Variants in EIF4A3 observed in about 807,000 individuals in gnomAD.
EIF4A3 encodes the protein eukaryotic initiation factor 4A-III.
In EIF4A3, 1 loss-of-function variant was observed where a neutral mutation model predicts 55.6. The observed-to-expected ratio is 0.02, with a 90% CI of 0.01 to 0.09. EIF4A3 has a LOEUF of 0.09. EIF4A3 is among the 10% of genes least tolerant of loss of function. The pLI, the probability that EIF4A3 is intolerant of heterozygous loss-of-function variation, is 1.00. For missense variants in EIF4A3, 221 were observed against 540.7 expected, an observed-to-expected ratio of 0.41 and a Z score of 5.86; for synonymous variants, 194 against 196.3, an observed-to-expected ratio of 0.99 and a Z score of 0.10.
chr17:80,143,624 C>T (rs72850898), intron 2 of EIF4A3, among the ~76,000 whole-genome samples: 2,082 of 152,136 alleles, frequency 0.014, 31 homozygotes, highest in Non-Finnish European at 0.019. Flanking sequence ...TCTGTTTTTC[C>T]GAAATTGTGT....
intron 7 of EIF4A3, 161 bp from the exon 8 acceptor site, chr17:80,138,441 T>G (rs1018649052): frequency 1.4e-6 from 1 of 704,842 alleles, no homozygotes; most frequent in African/African-American, 1.8e-5. Flanking sequence ...TATCACCACT[T>G]CCGTCACACA....
At chr17:80,145,824 TCTC>T (rs139002856) in intron 1 of EIF4A3, among the ~76,000 whole-genome samples, 4,506 of 152,042 alleles carry the variant, frequency 0.03, 99 homozygotes, top group East Asian at 0.13. Context: ...ACACTCCAAC[TCTC>T]CTCCTTCTGT....
chr17:80,141,562 ATCC>A, intron 3 of EIF4A3, 181 bp from the exon 4 acceptor site: 1 of 762,510 alleles, frequency 1.3e-6, no homozygotes, highest in Non-Finnish European at 2.1e-6. Context: ...ATGTGTCAGC[ATCC>A]TCGTCTGCAG....
At position 80,139,181 on chromosome 17, in the gene EIF4A3, C is replaced by T. The variant is rs2039597869; in HGVS notation, c.587-19G>A. 1 of 1,613,486 alleles carries T rather than the reference C, an allele frequency of 6.2e-7. No individual in the cohort carries two copies. The highest frequency in any genetic ancestry group is 1.3e-5 in the African/African-American group (1 of 74,868). ...TTGAAACCTGGGACAGGGAGCAAGA[C>T]AGGTGAGGGATGTTTAGGGCGGCAC... On this transcript the variant is annotated intron_variant, in intron 6 of 11. Coordinates refer to ENST00000649764, the MANE Select transcript of EIF4A3 (RefSeq NM_014740.4).
At chr17:80,146,448 C>G (rs758202786) in intron 1 of EIF4A3, among the ~76,000 whole-genome samples, 12 of 152,214 alleles carry the variant, frequency 7.9e-5, no homozygotes, top group Non-Finnish European at 1.5e-4. Context: ...AGGCGCAAAC[C>G]CTTCCGGTTT....
chr17:80,135,961 G>C (rs762147262), intron 11 of EIF4A3, 43 bp downstream of exon 11: 3 of 1,596,250 alleles, frequency 1.9e-6, no homozygotes, highest in South Asian at 2.3e-5. Context: ...TAAGAATAGG[G>C]AAGTTCCCTC....
At chr17:80,137,581 T>C in intron 8 of EIF4A3, 80 bp from the exon 9 acceptor site, 1 of 1,058,530 alleles carries the variant, frequency 9.4e-7, no homozygotes, top group Non-Finnish European at 1.4e-6. Flanking sequence ...ACCGCATCAT[T>C]TGCAGAACCA....
chr17:80,136,953 AAAAC>A (rs765410274), intron 9 of EIF4A3: 56 of 157,630 alleles, frequency 3.6e-4, no homozygotes, highest in South Asian at 8.0e-4. Context: ...GACTGTCTCA[AAAAC>A]AAACAAACAA....
Position 80,135,149 on chromosome 17 carries a change from CAA to C in EIF4A3, c.*339_*340del, listed in dbSNP as rs1311618112. ...CCTGGGCAACAGAGGGAGACTGTCT[CAA>C]AAAAAAAAAAGAAAAAGAAAAGAAA... On this transcript the variant is annotated 3_prime_UTR_variant, in exon 12 of 12. Transcript: ENST00000649764. 7.2e-4 allele frequency: 96 copies of C among 133,462 alleles called. No homozygotes were observed. The highest frequency in any genetic ancestry group is 1.4e-3 in the South Asian group (6 of 4,398). 8.3% of individuals were successfully genotyped at this position (133,462 alleles called of 1,614,324 possible). A position where few individuals can be genotyped will look rare whatever the true frequency, so the allele number is the denominator to read the frequency against.
At position 80,144,177 on chromosome 17, in the gene EIF4A3, G is replaced by A. The variant is rs747892909; in HGVS notation, c.237C>T (p.Ile79=). The A allele has an allele frequency of 3.7e-5, 60 of 1,613,930 alleles. No individual in the cohort carries two copies. The highest frequency in any genetic ancestry group is 4.6e-5 in the Non-Finnish European group (54 of 1,179,994). ...IKQIIKGRDV[I]AQSQSGTGKT... ...CGCACCCCAGGACAACTTACTGTGC[G>A]ATGACATCTCTCCCTTTGATGATCT... The change falls in exon 2 of 12, where the codon ATC becomes ATT. Residue 79 remains isoleucine (I), a synonymous_variant. Transcript: ENST00000649764.
At chr17:80,137,233 TG>T in intron 9 of EIF4A3, 152 bp downstream of exon 9, 1 of 597,580 alleles carries the variant, frequency 1.7e-6, no homozygotes. Flanking sequence ...CCTCCTTAAC[TG>T]GAAGGTTTTC....
rs2039602572 is a variant in EIF4A3, at chr17:80,139,766, T to C, written c.506-16A>G. 2.5e-6 allele frequency: 4 copies of C among 1,609,544 alleles called. No individual in the cohort carries two copies. The highest frequency in any genetic ancestry group is 1.3e-5 in the African/African-American group (1 of 74,818). ...CGAATCATATCTATAACATGAGATTTTGAAATACTTACGACAAATCACATC... is the reference window on the plus strand; with the variant it reads ...CGAATCATATCTATAACATGAGATTCTGAAATACTTACGACAAATCACATC... On this transcript the variant is annotated splice_polypyrimidine_tract_variant and intron_variant, in intron 5 of 11. Coordinates refer to ENST00000649764, the MANE Select transcript of EIF4A3 (RefSeq NM_014740.4).
intron 8 of EIF4A3, 110 bp from the exon 9 acceptor site, chr17:80,137,611 A>G: frequency 2.5e-6 from 2 of 811,338 alleles, no homozygotes; most frequent in Non-Finnish European, 3.9e-6. Flanking sequence ...TTCGTAAGGT[A>G]ACTGCTCTTA....
rs1387511484 is a variant in EIF4A3 at position 80,147,121 on chromosome 17, C to CTCGCTGTGCCGCTGCCGACT, written c.-161_-160insAGTCGGCAGCGGCACAGCGA. The CTCGCTGTGCCGCTGCCGACT allele has an allele frequency of 9.4e-7, 1 of 1,065,028 alleles. No homozygotes were observed. The highest frequency in any genetic ancestry group is 1.2e-6 in the Non-Finnish European group (1 of 804,418). The allele number at this position is 1,065,028 out of a possible 1,614,324, so 66.0% of individuals were successfully genotyped here. A position where few individuals can be genotyped will look rare whatever the true frequency, so the allele number is the denominator to read the frequency against. ...CCGACCTCGCTGTGCCGCTGCCGAC[C>CTCGCTGTGCCGCTGCCGACT]TCGCTGTGCCGCTGCCGAGAACAGA... On this transcript the variant is annotated 5_prime_UTR_variant, in exon 1 of 12. Transcript: ENST00000649764.
intron 9 of EIF4A3, 169 bp downstream of exon 9, chr17:80,137,217 C>A (rs1029850707): frequency 1.8e-6 from 1 of 549,972 alleles, no homozygotes; most frequent in African/African-American, 1.9e-5. Context: ...AGGAGCACAG[C>A]GGACCCCTCC....
In EIF4A3 at chr17:80,141,830, T is replaced by C. The variant is rs1395191864; in HGVS notation, c.261A>G (p.Gly87=). ...DVIAQSQSGT[G]KTATFSISVL... ...CTGAGATACTGAAGGTGGCTGTTTT[T>C]CCTGTGCCGGACTGAGACCTATTCA... The change falls in exon 3 of 12, where the codon GGA becomes GGG. Residue 87 remains glycine, a synonymous_variant. Transcript: ENST00000649764. 1 of 1,614,110 alleles carries C rather than the reference T, an allele frequency of 6.2e-7. No homozygotes were observed. The highest frequency in any genetic ancestry group is 1.1e-5 in the South Asian group (1 of 91,072).
intron 8 of EIF4A3, 37 bp from the exon 9 acceptor site, chr17:80,137,538 T>C (rs1267244581): frequency 9.0e-6 from 14 of 1,557,084 alleles, no homozygotes; most frequent in Non-Finnish European, 1.2e-5. Flanking sequence ...TGCAAGCTAG[T>C]ATACCAAAGC....
intron 10 of EIF4A3, 29 bp from the exon 11 acceptor site, chr17:80,136,160 G>GTA (rs1390987808): frequency 6.2e-7 from 1 of 1,613,642 alleles, no homozygotes; most frequent in East Asian, 2.2e-5. Context: ...ATTACAGTTA[G>GTA]TATATATAAC....
Position 80,146,875 on chromosome 17 carries a change from C to A in EIF4A3, c.87G>T (p.Glu29Asp). Residue 29 changes from glutamate to aspartate, a missense_variant, in exon 1 of 12, where the codon GAG becomes GAT. Transcript: ENST00000649764. ...GGGTCACATCCACCTCCTCGCTGGT[C>A]TCGAATTCCACTTTAGTCATGTCTT... is the stretch of plus-strand genomic sequence containing the variant. Reference protein sequence around the residue: ...KEEDMTKVEFETSEEVDVTPT... With the variant: ...KEEDMTKVEFDTSEEVDVTPT... 6.2e-7 allele frequency: 1 copy of A among 1,611,582 alleles called. No homozygotes were observed. Among genetic ancestry groups the A allele is most frequent in the Non-Finnish European group, 8.5e-7 (1 of 1,179,126 alleles).
Sources: allele counts gnomAD v4.1 joint callset (sites outside exome capture counted in the v4.1 genomes callset), GRCh38; gene constraint gnomAD v4.1.1; transcripts MANE v1.5; gene names NCBI Gene and HGNC (gene_info 2026-07-23, HGNC 2026-07-21).